Variants in FYTTD1 observed in about 807,000 individuals in gnomAD.
FYTTD1 encodes the protein forty-two-three domain containing 1.
Under a neutral mutation model 40.9 loss-of-function variants are expected in FYTTD1, and 22 were observed. The ratio of observed to expected loss-of-function variants is 0.54; its 90% CI spans 0.38 to 0.77. The LOEUF is 0.77. FYTTD1 is among the 30% of genes least tolerant of loss of function. The pLI is 0.00. For synonymous variants in FYTTD1, 140 were observed against 137.9 expected (o/e 1.01, Z -0.10); for missense variants, 351 against 392.2 (o/e 0.90, Z 0.89).
chr3:197,749,631 T>C, upstream of FYTTD1: 1 of 982,478 alleles, frequency 1.0e-6, no homozygotes, highest in South Asian at 1.3e-5. Flanking sequence ...ATTATATCAC[T>C]GAAGGCATAA....
At chr3:197,774,293 G>A in intron 6 of FYTTD1, 83 bp downstream of exon 6, 1 of 1,158,450 alleles carries the variant, frequency 8.6e-7, no homozygotes, top group South Asian at 1.3e-5. Context: ...CCTCAGTCCA[G>A]AAGAAATTAA....
At position 197,750,557 on chromosome 3, in the gene FYTTD1, C is replaced by A. The variant is rs1007014956; in HGVS notation, c.103+483C>A. On this transcript the variant is annotated intron_variant, in intron 1 of 8. Transcript: ENST00000241502. ...GGGGCTGCGGTCGGTTAAACCAGCG[C>A]TTCCGGAGCTTTCCCTGGTCGCCGG... The A allele has an allele frequency of 1.4e-5, 14 of 985,476 alleles. No individual in the cohort carries two copies. In the African/African-American group the frequency reaches 2.1e-4, roughly 15 times the overall value. The allele number at this position is 985,476 out of a possible 1,614,324, so 61.0% of individuals were successfully genotyped here. A position where few individuals can be genotyped will look rare whatever the true frequency, so the allele number is the denominator to read the frequency against.
At chr3:197,769,234 C>T (rs1464401307) in intron 3 of FYTTD1, among the ~76,000 whole-genome samples, 1 of 151,720 alleles carries the variant, frequency 6.6e-6, no homozygotes, top group African/African-American at 2.4e-5. Context: ...ACTACAGGTG[C>T]GTGCCACCAT....
intron 2 of FYTTD1, among the ~76,000 whole-genome samples, chr3:197,760,136 T>G (rs564924157): frequency 2.7e-5 from 4 of 149,242 alleles, no homozygotes; most frequent in Admixed American, 1.3e-4. Flanking sequence ...GTGGTAGAAC[T>G]TATAGAGTGT....
chr3:197,753,968 C>T (rs1267262442), intron 1 of FYTTD1, among the ~76,000 whole-genome samples: 1 of 152,132 alleles, frequency 6.6e-6, no homozygotes, highest in South Asian at 2.1e-4. Context: ...TCTCGATCTC[C>T]TGACCTCATG....
rs1183882619 is a variant in FYTTD1 at position 197,750,585 on chromosome 3, G to C, written c.103+511G>C. ...CCGGAGCTTTCCCTGGTCGCCGGGC[G>C]TTCCAGGCCGGCGCCGGCCATGGCT... On this transcript the variant is annotated intron_variant, in intron 1 of 8. Transcript: ENST00000241502. 3 of 985,218 alleles carry C rather than the reference G, an allele frequency of 3.0e-6. No homozygotes were observed. In the African/African-American group the frequency reaches 5.2e-5, roughly 17 times the overall value. The allele number at this position is 985,218 out of a possible 1,614,324, so 61.0% of individuals were successfully genotyped here.
At chr3:197,766,439 G>GTGTGTGTGTGTGTGTA (rs1729550907) in intron 2 of FYTTD1, among the ~76,000 whole-genome samples, 4 of 150,340 alleles carry the variant, frequency 2.7e-5, no homozygotes, top group Non-Finnish European at 4.5e-5. Context: ...TGGTGTGTGT[G>GTGTGTGTGTGTGTGTA]TGTGTGTGTG....
chr3:197,764,381 AGGT>A (rs1481899739), intron 2 of FYTTD1, among the ~76,000 whole-genome samples: 2 of 152,218 alleles, frequency 1.3e-5, no homozygotes, highest in Non-Finnish European at 2.9e-5. Flanking sequence ...AAAGGTAGAA[AGGT>A]GGGAGAACGA....
intron 1 of FYTTD1, among the ~76,000 whole-genome samples, chr3:197,752,289 A>G (rs1729082199): frequency 6.6e-6 from 1 of 152,226 alleles, no homozygotes; most frequent in Non-Finnish European, 1.5e-5. Context: ...GCCACTTTGT[A>G]ACCATGTAAC....
At chr3:197,762,103 C>T (rs1324706536) in intron 2 of FYTTD1, among the ~76,000 whole-genome samples, 1 of 152,130 alleles carries the variant, frequency 6.6e-6, no homozygotes, top group Non-Finnish European at 1.5e-5. Flanking sequence ...GACTTTACCT[C>T]CCAAAGCCCT....
At chr3:197,768,406 T>C (rs750220036) in intron 2 of FYTTD1, 33 bp from the exon 3 acceptor site, 3 of 1,503,860 alleles carry the variant, frequency 2.0e-6, no homozygotes, top group Non-Finnish European at 2.7e-6. Context: ...AATTGTTAAA[T>C]TGACATTTTC....
In FYTTD1 at chr3:197,781,805, C is replaced by A; in HGVS notation, c.859-6C>A. 3 of 1,582,998 alleles carry A rather than the reference C, an allele frequency of 1.9e-6. No homozygotes were observed. Among genetic ancestry groups the A allele is most frequent in the South Asian group, 2.3e-5 (2 of 86,036 alleles). ...GTTGTTGTTTTTGTTTTTTTCTTTT[C>A]TCTAGACAGGGATGACGTTGAATGA... is the stretch of plus-strand genomic sequence containing the variant. On this transcript the variant is annotated splice_polypyrimidine_tract_variant and splice_region_variant and intron_variant, in intron 8 of 8. Transcript: ENST00000241502.
rs1730118947 is a variant in FYTTD1 at position 197,784,781 on chromosome 3, A to T, written c.*2872A>T. On this transcript the variant is annotated 3_prime_UTR_variant, in exon 9 of 9. Coordinates refer to ENST00000241502, the MANE Select transcript of FYTTD1 (RefSeq NM_032288.7). The stretch of plus-strand genomic sequence containing the variant: ...ACTCCAGCCTGGGTGACAGAGTGAC[A>T]CTCTGTCTTAAAAAAACAAAAAAAA... The T allele has an allele frequency of 1.3e-5, 2 of 151,824 alleles. 1 individual carries two copies. 9.4% of individuals were successfully genotyped at this position (151,824 alleles called of 1,614,324 possible). A position where few individuals can be genotyped will look rare whatever the true frequency, so the allele number is the denominator to read the frequency against.
chr3:197,775,078 T>C (rs1410959855), intron 6 of FYTTD1, among the ~76,000 whole-genome samples: 1 of 152,204 alleles, frequency 6.6e-6, no homozygotes, highest in African/African-American at 2.4e-5. Flanking sequence ...TGAAACAGCT[T>C]TTTCTTTTTC....
intron 1 of FYTTD1, among the ~76,000 whole-genome samples, chr3:197,755,308 C>T (rs1022347873): frequency 6.6e-6 from 1 of 152,142 alleles, no homozygotes; most frequent in African/African-American, 2.4e-5. Flanking sequence ...ACTTTTGTTT[C>T]AGTTACAGCA....
In FYTTD1 at chr3:197,776,957, T is replaced by G. The variant is rs139214163; in HGVS notation, c.687T>G (p.Ile229Met). The stretch of plus-strand genomic sequence containing the variant: ...GGACTTCCACCACAAATGGAGGGAT[T>G]TTGACTGTATCTATTGACAATCCTG... ...QWRTSTTNGGILTVSIDNPGA... is the reference protein window; with the variant it reads ...QWRTSTTNGGMLTVSIDNPGA... Residue 229 changes from isoleucine to methionine, a missense_variant, in exon 7 of 9, where the codon ATT becomes ATG. Coordinates refer to ENST00000241502, the MANE Select transcript of FYTTD1 (RefSeq NM_032288.7). 9.0e-4 allele frequency: 1,448 copies of G among 1,612,374 alleles called. 1 individual carries two copies. The highest frequency in any genetic ancestry group is 1.1e-3 in the Non-Finnish European group (1,342 of 1,178,854).
chr3:197,778,807 T>C (rs1729945700), intron 8 of FYTTD1, among the ~76,000 whole-genome samples: 1 of 152,216 alleles, frequency 6.6e-6, no homozygotes, highest in Non-Finnish European at 1.5e-5. Context: ...ATTTGGGGTG[T>C]TTTCAGTCCT....
rs1334581615 is a variant in FYTTD1, at chr3:197,779,299, C to A, written c.858+835C>A. 2.6e-5 allele frequency among the ~76,000 whole-genome samples: 4 copies of A among 151,910 alleles called. No homozygotes were observed. In the East Asian group the frequency reaches 7.7e-4, roughly 29 times the overall value. On this transcript the variant is annotated intron_variant, in intron 8 of 8. Coordinates refer to ENST00000241502, the MANE Select transcript of FYTTD1 (RefSeq NM_032288.7). The stretch of plus-strand genomic sequence containing the variant: ...GTGTGGTGGCTCATGCCTGTAATCC[C>A]AGCTACTAAGGAGGCTGAGGCAGGA...
At position 197,756,282 on chromosome 3, in the gene FYTTD1, G is replaced by A. The variant is rs1350212128; in HGVS notation, c.104-144G>A. The stretch of plus-strand genomic sequence containing the variant: ...ATCTGCTTTGGGCTATTGTAAAATG[G>A]CTGATTCTTGTTATTATCCTCTTAT... On this transcript the variant is annotated intron_variant, in intron 1 of 8. Transcript: ENST00000241502. 6 of 655,138 alleles carry A rather than the reference G, an allele frequency of 9.2e-6. 1 individual carries two copies. Among genetic ancestry groups the A allele is most frequent in the Non-Finnish European group, 5.4e-6 (2 of 369,420 alleles). The allele number at this position is 655,138 out of a possible 1,614,324, so 40.6% of individuals were successfully genotyped here.
Sources: gnomAD v4.1 joint callset for allele counts (sites outside exome capture counted in the v4.1 genomes callset) on GRCh38, gnomAD v4.1.1 for gene constraint, MANE v1.5 for transcripts, NCBI Gene and HGNC (gene_info 2026-07-23, HGNC 2026-07-21) for gene names.